The following KCNMA1 variants were observed in gnomAD, a reference collection of about 807,000 sequenced individuals.
The protein encoded by KCNMA1 is potassium calcium-activated channel subfamily M alpha 1.
A neutral mutation model predicts 140.0 loss-of-function variants in KCNMA1; 29 were observed. That is an observed-to-expected ratio of 0.21 (90% confidence interval 0.15 to 0.28). The LOEUF is 0.28. KCNMA1 is among the 10% of genes least tolerant of loss of function. The pLI, the probability that KCNMA1 is intolerant of heterozygous loss-of-function variation, is 1.00. For synonymous variants in KCNMA1, 612 were observed against 611.9 expected, an observed-to-expected ratio of 1.00 and a Z score of 0.00; for missense variants, 880 against 1,602.2, an observed-to-expected ratio of 0.55 and a Z score of 7.70.
intron 2 of KCNMA1, among the ~76,000 whole-genome samples, chr10:77,262,095 G>C (rs561303622): frequency 3.3e-5 from 5 of 152,292 alleles, no homozygotes; most frequent in African/African-American, 1.2e-4. Flanking sequence ...GGAATTTAAA[G>C]CTGGGACTCA....
At chr10:77,340,522 T>G (rs2090557897) in intron 2 of KCNMA1, among the ~76,000 whole-genome samples, 1 of 152,054 alleles carries the variant, frequency 6.6e-6, no homozygotes, top group African/African-American at 2.4e-5. Context: ...CATGGAACAC[T>G]ATGCAGCCAT....
chr10:77,403,669 T>C (rs1218823008), intron 2 of KCNMA1, among the ~76,000 whole-genome samples, 193 bp downstream of exon 2: 2 of 151,892 alleles, frequency 1.3e-5, no homozygotes, highest in African/African-American at 4.8e-5. Context: ...TCCTTGAAAA[T>C]CCCTCCACAA....
chr10:77,608,512 C>T (rs2085408347), intron 1 of KCNMA1, among the ~76,000 whole-genome samples: 1 of 152,054 alleles, frequency 6.6e-6, no homozygotes, highest in South Asian at 2.1e-4. Flanking sequence ...TCCCTGAGCC[C>T]CGGCCAAGGA....
chr10:76,991,428 T>C (rs2082734230), intron 19 of KCNMA1, among the ~76,000 whole-genome samples: 1 of 152,250 alleles, frequency 6.6e-6, no homozygotes, highest in Non-Finnish European at 1.5e-5. Flanking sequence ...GATCATTTTC[T>C]AGTTCCTTCA....
intron 18 of KCNMA1, among the ~76,000 whole-genome samples, chr10:77,004,214 C>A (rs2087551259): frequency 1.3e-4 from 1 of 7,930 alleles, no homozygotes. Flanking sequence ...CAAGTGCCAC[C>A]ACACACACAC....
downstream of KCNMA1, among the ~76,000 whole-genome samples, chr10:76,883,718 CTTGT>C (rs2035573643): frequency 8.1e-6 from 1 of 122,984 alleles, no homozygotes; most frequent in Non-Finnish European, 1.6e-5. Flanking sequence ...CCCTTACTTC[CTTGT>C]TTTTTTTTTT....
chr10:77,482,527 G>A (rs1301870378), intron 1 of KCNMA1, among the ~76,000 whole-genome samples: 1 of 152,128 alleles, frequency 6.6e-6, no homozygotes, highest in Non-Finnish European at 1.5e-5. Context: ...GCATGAGACG[G>A]CATAAGGGCA....
At chr10:76,983,712 G>C (rs1480159653) in intron 19 of KCNMA1, among the ~76,000 whole-genome samples, 1 of 146,976 alleles carries the variant, frequency 6.8e-6, no homozygotes, top group African/African-American at 2.5e-5. Flanking sequence ...GGATGACACA[G>C]TGAGACACTG....
At chr10:77,407,024 T>C (rs1462630929) in intron 1 of KCNMA1, among the ~76,000 whole-genome samples, 1 of 152,182 alleles carries the variant, frequency 6.6e-6, no homozygotes, top group Non-Finnish European at 1.5e-5. Flanking sequence ...TGGCAGATAA[T>C]GCTATTTCGC....
chr10:77,108,355 G>T lies in KCNMA1; in HGVS notation c.1223+126C>A. On this transcript the variant is annotated intron_variant, in intron 9 of 27. Transcript: ENST00000286628. This position sits in a 1 kb window ranked among gnomAD's most constrained non-coding sequence, Gnocchi z 4.6. ...ACTCAGGATGAGAGCAGCAATTTCG[G>T]GCACGTAGCGGGCAAACATTGCCTA... 6.3e-7 allele frequency: 1 copy of T among 1,584,830 alleles called. No individual in the cohort carries two copies. The highest frequency in any genetic ancestry group is 8.5e-7 in the Non-Finnish European group (1 of 1,172,832).
chr10:77,395,774 C>A lies in KCNMA1; in HGVS notation c.540+8088G>T, dbSNP rs190550434. The stretch of plus-strand genomic sequence containing the variant: ...CTGTCAGCAACAGCACTATGAAATG[C>A]GATCCTGCTGCTCTTTGAATATTTC... On this transcript the variant is annotated intron_variant, in intron 2 of 27. Transcript: ENST00000286628. Among the ~76,000 whole-genome samples, 13 of 152,320 alleles carry A rather than the reference C, an allele frequency of 8.5e-5. No homozygotes were observed. In the East Asian group the frequency reaches 2.5e-3, roughly 29 times the overall value.
intron 1 of KCNMA1, among the ~76,000 whole-genome samples, chr10:77,629,494 C>T (rs929455470): frequency 4.6e-5 from 7 of 152,178 alleles, no homozygotes; most frequent in African/African-American, 1.7e-4. Flanking sequence ...AATATATTTG[C>T]CACCCCCAAC....
chr10:77,121,881 T>C (rs1484295883), intron 5 of KCNMA1, among the ~76,000 whole-genome samples: 3 of 152,244 alleles, frequency 2.0e-5, no homozygotes, highest in African/African-American at 7.2e-5. Context: ...AATTTGGCTA[T>C]CATGCAAGGG....
intron 7 of KCNMA1, 24 bp downstream of exon 7, chr10:77,112,343 A>AG (rs762801103): frequency 2.4e-5 from 38 of 1,571,926 alleles, no homozygotes; most frequent in East Asian, 2.2e-4. Context: ...AAGCGAGAGC[A>AG]GAAGGGTCTT....
chr10:77,188,911 A>C (rs11594940), intron 3 of KCNMA1, among the ~76,000 whole-genome samples: 6,477 of 152,170 alleles, frequency 0.043, 203 homozygotes, highest in Non-Finnish European at 0.067. Context: ...CTCATCTCCA[A>C]GAGGGAAGGA....
intron 1 of KCNMA1, among the ~76,000 whole-genome samples, chr10:77,580,378 C>T (rs2075517309): frequency 8.6e-6 from 1 of 116,188 alleles, no homozygotes; most frequent in South Asian, 2.8e-4. Context: ...GAGACTCCAT[C>T]TCAAAAAAAA....
downstream of KCNMA1, among the ~76,000 whole-genome samples, chr10:76,882,953 C>A (rs555027481): frequency 3.3e-5 from 5 of 152,324 alleles, no homozygotes; most frequent in African/African-American, 1.2e-4. Flanking sequence ...TCTGTACTCT[C>A]CTCTTTCTCC....
At chr10:77,012,395 C>G (rs892460314) in intron 17 of KCNMA1, 2 of 1,535,894 alleles carry the variant, frequency 1.3e-6, no homozygotes, top group African/African-American at 1.4e-5. Context: ...GCCCTGGGCC[C>G]TTGGTGGGGA....
chr10:77,571,266 T>C (rs2071179774), intron 1 of KCNMA1, among the ~76,000 whole-genome samples: 1 of 152,236 alleles, frequency 6.6e-6, no homozygotes, highest in South Asian at 2.1e-4. Context: ...GTTTTGGATT[T>C]TGAGAGTGAA....
Sources: allele counts gnomAD v4.1 joint callset (sites outside exome capture counted in the v4.1 genomes callset), GRCh38; gene constraint gnomAD v4.1.1; non-coding constraint Gnocchi (gnomAD v3.1); transcripts MANE v1.5; gene names NCBI Gene and HGNC (gene_info 2026-07-23, HGNC 2026-07-21).